Variants in TRIP4 observed in about 807,000 individuals in gnomAD.
The protein encoded by TRIP4 is activating signal cointegrator 1.
A neutral mutation model predicts 81.8 loss-of-function variants in TRIP4; 54 were observed. That is an observed-to-expected ratio of 0.66 (90% confidence interval 0.53 to 0.83). The LOEUF (loss-of-function observed/expected upper bound fraction) is 0.83. Among genes scored for constraint, TRIP4 ranks in the 40% least tolerant of loss-of-function variants. TRIP4 has a pLI of 0.00. For missense variants in TRIP4, 662 were observed against 683.6 expected, an observed-to-expected ratio of 0.97 and a Z score of 0.35; for synonymous variants, 270 against 242.8, an observed-to-expected ratio of 1.11 and a Z score of -1.04.
At chr15:64,422,153 A>G (rs1381274718) in intron 9 of TRIP4, among the ~76,000 whole-genome samples, 5 of 152,170 alleles carry the variant, frequency 3.3e-5, no homozygotes, top group African/African-American at 1.2e-4. Flanking sequence ...ACATATCCCC[A>G]TTGTTAAGCA....
chr15:64,424,435 CTAGTG>C (rs1892092967), intron 10 of TRIP4: 1 of 330,294 alleles, frequency 3.0e-6, no homozygotes, highest in African/African-American at 2.1e-5. Flanking sequence ...GGTAAAATGA[CTAGTG>C]TAAACTCTGA....
chr15:64,415,182 A>C (rs1159824656), intron 8 of TRIP4, among the ~76,000 whole-genome samples: 1 of 152,176 alleles, frequency 6.6e-6, no homozygotes, highest in East Asian at 1.9e-4. Context: ...GTAGGAACAA[A>C]GGCATGTGTA....
chr15:64,399,236 G>C (rs902026805), intron 4 of TRIP4, among the ~76,000 whole-genome samples: 4 of 151,900 alleles, frequency 2.6e-5, no homozygotes, highest in Admixed American at 1.3e-4. Context: ...ACAGGTGTGA[G>C]CCACCGTGCC....
intron 8 of TRIP4, among the ~76,000 whole-genome samples, chr15:64,416,087 G>C (rs1243627701): frequency 6.6e-6 from 1 of 152,092 alleles, no homozygotes; most frequent in Non-Finnish European, 1.5e-5. Flanking sequence ...AGCCGGGCCT[G>C]AGATGTAGTG....
intron 11 of TRIP4, 148 bp downstream of exon 11, chr15:64,425,779 T>C (rs1892128492): frequency 1.8e-6 from 1 of 570,046 alleles, no homozygotes; most frequent in Non-Finnish European, 2.9e-6. Context: ...CATATAAATA[T>C]CTGTATAAAA....
At chr15:64,400,959 G>C in intron 5 of TRIP4, 138 bp downstream of exon 5, 1 of 525,262 alleles carries the variant, frequency 1.9e-6, no homozygotes, top group South Asian at 2.1e-5. Context: ...GGTTTTTTTT[G>C]TTTTGTTTTG....
chr15:64,431,985 C>G (rs372125634), intron 11 of TRIP4, among the ~76,000 whole-genome samples: 1 of 141,678 alleles, frequency 7.1e-6, no homozygotes, highest in Non-Finnish European at 1.5e-5. Flanking sequence ...CTCCTAGGTT[C>G]GAGCAATTCT....
rs140042052 is a variant in TRIP4, at chr15:64,391,302, G to A, written c.102-2644G>A. ...CTCCCCAGTAGCTTGGACTACAGGC[G>A]CGTGACACCATGCCCAGCTAATTTT... is the stretch of plus-strand genomic sequence containing the variant. On this transcript the variant is annotated intron_variant, in intron 1 of 12. Transcript: ENST00000261884. 3.3e-3 allele frequency among the ~76,000 whole-genome samples: 504 copies of A among 151,882 alleles called. 1 individual carries two copies. The highest frequency in any genetic ancestry group is 0.012 in the African/African-American group (482 of 41,438).
chr15:64,409,772 C>G lies in TRIP4; in HGVS notation c.987C>G (p.Asp329Glu). 6.2e-7 allele frequency: 1 copy of G among 1,614,110 alleles called. No homozygotes were observed. The highest frequency in any genetic ancestry group is 8.5e-7 in the Non-Finnish European group (1 of 1,180,026). Reference protein sequence around the residue: ...ASRLSKKVTIDFAGRKILEEE... With the variant: ...ASRLSKKVTIEFAGRKILEEE... ...GACTTTCTAAGAAGGTCACCATTGA[C>G]TTTGCAGGAAGGAAGATCCTGGAAG... Residue 329 changes from aspartate to glutamate, a missense_variant, in exon 7 of 13, where the codon GAC becomes GAG. By Grantham distance (45) the Asp-to-Glu change is conservative. Transcript: ENST00000261884.
At position 64,409,705 on chromosome 15, in the gene TRIP4, A is replaced by G. The variant is rs775930080; in HGVS notation, c.920A>G (p.Gln307Arg). ...TCCAAACTTGAGCGGGAAACCTTGC[A>G]GAAGCGAGAGGAGGAGCTGAGAGAA... ...WLSKLERETL[Q>R]KREEELRELR... Residue 307 changes from glutamine to arginine, a missense_variant, in exon 7 of 13, where the codon CAG (glutamine) becomes CGG (arginine). Transcript: ENST00000261884. 4 of 1,614,222 alleles carry G rather than the reference A, an allele frequency of 2.5e-6. No individual in the cohort carries two copies. In the Admixed American group the frequency reaches 5.0e-5, roughly 20 times the overall value.
At chr15:64,405,158 CTTTTTTT>C (rs1376294499) in intron 5 of TRIP4, among the ~76,000 whole-genome samples, 1 of 142,550 alleles carries the variant, frequency 7.0e-6, no homozygotes, top group Non-Finnish European at 1.5e-5. Context: ...TTTTTCTTTT[CTTTTTTT>C]TTTTTTTGAG....
rs1223726422 is a variant in TRIP4, at chr15:64,431,831, T to TTA, written c.1575+6216_1575+6217dup. 5.9e-3 allele frequency among the ~76,000 whole-genome samples: 251 copies of TTA among 42,428 alleles called. 2 individuals carry two copies. The highest frequency in any genetic ancestry group is 0.011 in the Middle Eastern group (1 of 94). 27.8% of individuals were successfully genotyped at this position (42,428 alleles called of 152,430 possible). ...TAAATGGTTTCAGAAACCATTTATA[T>TTA]TATATATATATATATATTTTTTTTA... On this transcript the variant is annotated intron_variant, in intron 11 of 12. Coordinates refer to ENST00000261884, the MANE Select transcript of TRIP4 (RefSeq NM_016213.5).
At chr15:64,435,525 C>CAAAA (rs35102130) in intron 11 of TRIP4, among the ~76,000 whole-genome samples, 29 of 108,314 alleles carry the variant, frequency 2.7e-4, no homozygotes, top group South Asian at 1.2e-3. Flanking sequence ...GACTCTGTCT[C>CAAAA]AAAAAAAAAA....
At chr15:64,447,217 A>C (rs562049105) in intron 12 of TRIP4, among the ~76,000 whole-genome samples, 1 of 152,326 alleles carries the variant, frequency 6.6e-6, no homozygotes, top group South Asian at 2.1e-4. Context: ...CCATTTGCTC[A>C]TGTCAGTTAC....
intron 5 of TRIP4, among the ~76,000 whole-genome samples, chr15:64,403,036 A>G (rs1301656447): frequency 6.6e-6 from 1 of 150,434 alleles, no homozygotes; most frequent in East Asian, 2.0e-4. Flanking sequence ...ATTTTTTTGT[A>G]TTTTTTTAGT....
rs1009776368 is a variant in TRIP4 at position 64,425,388 on chromosome 15, G to T, written c.1484-152G>T. 5.7e-6 allele frequency: 4 copies of T among 700,234 alleles called. No individual in the cohort carries two copies. In the African/African-American group the frequency reaches 7.4e-5, roughly 13 times the overall value. 43.4% of individuals were successfully genotyped at this position (700,234 alleles called of 1,614,324 possible). A position where few individuals can be genotyped will look rare whatever the true frequency, so the allele number is the denominator to read the frequency against. On this transcript the variant is annotated intron_variant, in intron 10 of 12. Transcript: ENST00000261884. The stretch of plus-strand genomic sequence containing the variant: ...AGATTTTTTTGCTAAAATGCAAACA[G>T]TTGTGCCAAGTAAATTTCACTGTTT...
intron 5 of TRIP4, among the ~76,000 whole-genome samples, chr15:64,403,748 C>A (rs1276483772): frequency 2.0e-5 from 3 of 152,056 alleles, no homozygotes; most frequent in Non-Finnish European, 4.4e-5. Context: ...ATATTTGTTT[C>A]CAAATTTTAA....
chr15:64,398,858 T>G (rs1900372667), intron 4 of TRIP4, among the ~76,000 whole-genome samples: 1 of 152,058 alleles, frequency 6.6e-6, no homozygotes, highest in South Asian at 2.1e-4. Context: ...GCAATGACAT[T>G]TGGTGTTGGT....
chr15:64,411,838 C>T (rs931745809), intron 7 of TRIP4, among the ~76,000 whole-genome samples: 3 of 152,038 alleles, frequency 2.0e-5, no homozygotes, highest in Admixed American at 6.6e-5. Context: ...CGCCACCACG[C>T]CTGGCTAATT....
Sources: gnomAD v4.1 joint callset for allele counts (sites outside exome capture counted in the v4.1 genomes callset) on GRCh38, gnomAD v4.1.1 for gene constraint, MANE v1.5 for transcripts, NCBI Gene and HGNC (gene_info 2026-07-23, HGNC 2026-07-21) for gene names.